ZNF253: variants seen among roughly 807,000 people sequenced by gnomAD.
The protein encoded by ZNF253 is zinc finger protein 253, also known as DNA-binding protein.
Under a neutral mutation model 11.9 loss-of-function variants are expected in ZNF253, and 8 were observed. That is an observed-to-expected ratio of 0.67 (90% CI 0.40 to 1.22). The LOEUF (loss-of-function observed/expected upper bound fraction) is 1.22. Ranked by LOEUF, ZNF253 falls within the 50% of genes most tolerant of loss-of-function variation. ZNF253 has a pLI of 0.01. For synonymous variants in ZNF253, 194 were observed against 194.9 expected (o/e 1.00, Z 0.04); for missense variants, 485 against 586.9 (o/e 0.83, Z 1.79).
chr19:19,887,892 A>G (rs920198294), intron 3 of ZNF253, among the ~76,000 whole-genome samples: 3 of 148,686 alleles, frequency 2.0e-5, no homozygotes, highest in African/African-American at 7.5e-5. Flanking sequence ...ATGCCCCACC[A>G]CGCCTGGCTA....
At chr19:19,890,551 T>G (rs2063224595) in intron 3 of ZNF253, among the ~76,000 whole-genome samples, 1 of 148,460 alleles carries the variant, frequency 6.7e-6, no homozygotes, top group Non-Finnish European at 1.5e-5. Flanking sequence ...TGACAGAGTC[T>G]CACTCTCTTA....
chr19:19,875,327 C>T (rs1298713482), intron 1 of ZNF253, among the ~76,000 whole-genome samples: 2 of 149,908 alleles, frequency 1.3e-5, no homozygotes, highest in African/African-American at 2.5e-5. Context: ...AGTAGTTGCT[C>T]CTCAAGTCAC....
chr19:19,892,907 A>G lies in ZNF253; in HGVS notation c.*160A>G, dbSNP rs1249194021. 1.5e-5 allele frequency: 10 copies of G among 687,854 alleles called. No individual in the cohort carries two copies. Among genetic ancestry groups the G allele is most frequent in the South Asian group, 6.5e-5 (3 of 45,900 alleles). 42.6% of individuals were successfully genotyped at this position (687,854 alleles called of 1,614,324 possible). A position where few individuals can be genotyped will look rare whatever the true frequency, so the allele number is the denominator to read the frequency against. On this transcript the variant is annotated 3_prime_UTR_variant, in exon 4 of 4. Coordinates refer to ENST00000589717, the MANE Select transcript of ZNF253 (RefSeq NM_021047.3). Reference sequence around the variant, plus strand: ...AGGAAGTTCTCAACCCTTATTACACATAATTCATACCAAACAGAAGCCCTA... The same window carrying G: ...AGGAAGTTCTCAACCCTTATTACACGTAATTCATACCAAACAGAAGCCCTA...
chr19:19,881,775 A>T (rs925894021), intron 3 of ZNF253, among the ~76,000 whole-genome samples: 2 of 151,966 alleles, frequency 1.3e-5, no homozygotes, highest in Non-Finnish European at 2.9e-5. Context: ...ATGGTTTTTT[A>T]AATATGTGAT....
intron 3 of ZNF253, among the ~76,000 whole-genome samples, chr19:19,886,293 T>C (rs1035220145): frequency 1.3e-5 from 2 of 152,224 alleles, no homozygotes; most frequent in African/African-American, 4.8e-5. Context: ...GTTCCCAGTA[T>C]TTTAAAATTT....
chr19:19,881,801 C>T (rs1228295502), intron 3 of ZNF253, among the ~76,000 whole-genome samples: 2 of 151,942 alleles, frequency 1.3e-5, no homozygotes, highest in African/African-American at 2.4e-5. Context: ...GATCTACAGA[C>T]AGCAACTTTT....
Position 19,876,467 on chromosome 19 carries a change from C to T in ZNF253, c.4-2014C>T, listed in dbSNP as rs192048425. Reference sequence around the variant, plus strand: ...CTGGTGTCTGTGGCAGGGGAGGGCACCTGAGGACAGGAAAGGAGAAACTTA... The same window carrying T: ...CTGGTGTCTGTGGCAGGGGAGGGCATCTGAGGACAGGAAAGGAGAAACTTA... On this transcript the variant is annotated intron_variant, in intron 1 of 3. Transcript: ENST00000589717. Among the ~76,000 whole-genome samples, 581 of 152,178 alleles carry T rather than the reference C, an allele frequency of 3.8e-3. 1 individual carries two copies. The highest frequency in any genetic ancestry group is 6.8e-3 in the Non-Finnish European group (460 of 68,008).
chr19:19,867,945 T>A (rs917339919), intron 1 of ZNF253, among the ~76,000 whole-genome samples: 2 of 151,710 alleles, frequency 1.3e-5, no homozygotes, highest in African/African-American at 4.9e-5. Context: ...CTCTAATGAT[T>A]AGTGATGAGC....
chr19:19,866,081 C>T (rs2063109738), intron 1 of ZNF253, 82 bp downstream of exon 1: 7 of 1,579,660 alleles, frequency 4.4e-6, no homozygotes, highest in Admixed American at 3.4e-5. Flanking sequence ...ACTCTGCTTC[C>T]TCACAGTCAG....
rs539905474 is a variant in ZNF253 at position 19,873,464 on chromosome 19, T to C, written c.4-5017T>C. ...CACAGTCTCCTAGGTGTATTTGAGG[T>C]ATTTGAGGATGTCCAGAGCAGAATT... On this transcript the variant is annotated intron_variant, in intron 1 of 3. Transcript: ENST00000589717. 2.0e-5 allele frequency among the ~76,000 whole-genome samples: 3 copies of C among 152,230 alleles called. No homozygotes were observed. The East Asian group carries it at 5.8e-4, about 29-fold the overall frequency.
chr19:19,866,114 T>C, intron 1 of ZNF253, 115 bp downstream of exon 1: 1 of 1,416,402 alleles, frequency 7.1e-7, no homozygotes, highest in Non-Finnish European at 9.9e-7. Flanking sequence ...CCGCCGGAGT[T>C]CTCCCTGCCC....
intron 1 of ZNF253, among the ~76,000 whole-genome samples, chr19:19,877,041 A>C (rs1377711962): frequency 6.6e-6 from 1 of 152,208 alleles, no homozygotes; most frequent in Non-Finnish European, 1.5e-5. Context: ...CAAGATTTCT[A>C]TTGGGGAAAA....
Position 19,891,694 on chromosome 19 carries a change from T to C in ZNF253, c.447T>C (p.Tyr149=), listed in dbSNP as rs1568501527. Residue 149 remains tyrosine, a synonymous_variant, in exon 4 of 4, where the codon TAT becomes TAC. Coordinates refer to ENST00000589717, the MANE Select transcript of ZNF253 (RefSeq NM_021047.3). ...TQKEIFQCDK[Y]GKVFHKFSNS... ...AAGAAATATTTCAATGTGATAAATA[T>C]GGAAAAGTCTTTCATAAGTTTTCAA... is the stretch of plus-strand genomic sequence containing the variant. The C allele has an allele frequency of 6.2e-7, 1 of 1,614,114 alleles. No homozygotes were observed. The highest frequency in any genetic ancestry group is 8.5e-7 in the Non-Finnish European group (1 of 1,179,980).
At chr19:19,880,271 CTGT>C in intron 3 of ZNF253, 125 bp downstream of exon 3, 2 of 427,320 alleles carry the variant, frequency 4.7e-6, no homozygotes, top group Non-Finnish European at 3.8e-6. Flanking sequence ...TCCTGGGCAG[CTGT>C]TTTTTTTTTT....
chr19:19,888,590 A>T (rs773286189), intron 3 of ZNF253, among the ~76,000 whole-genome samples: 6 of 152,154 alleles, frequency 3.9e-5, no homozygotes, highest in Non-Finnish European at 8.8e-5. Context: ...CTTCAGTTGC[A>T]TGCAAACATT....
intron 1 of ZNF253, among the ~76,000 whole-genome samples, chr19:19,866,456 C>A (rs141086859): frequency 6.6e-6 from 1 of 151,918 alleles, no homozygotes; most frequent in Non-Finnish European, 1.5e-5. Flanking sequence ...GAGTGCTGCT[C>A]GCGTCCGACC....
intron 3 of ZNF253, among the ~76,000 whole-genome samples, chr19:19,889,107 A>G (rs1193456130): frequency 6.6e-6 from 1 of 151,852 alleles, no homozygotes; most frequent in East Asian, 1.9e-4. Flanking sequence ...AATTTTGCTT[A>G]TAGGTGTGTT....
chr19:19,873,609 T>C (rs1336759587), intron 1 of ZNF253, among the ~76,000 whole-genome samples: 1 of 152,056 alleles, frequency 6.6e-6, no homozygotes, highest in African/African-American at 2.4e-5. Flanking sequence ...AAGATGAGAG[T>C]TTCTCCAGTT....
At chr19:19,870,367 G>C (rs965583531) in intron 1 of ZNF253, among the ~76,000 whole-genome samples, 1 of 150,958 alleles carries the variant, frequency 6.6e-6, no homozygotes. Context: ...ACTCCAGCCT[G>C]GGTGACAGAA....
Sources: allele counts gnomAD v4.1 joint callset (sites outside exome capture counted in the v4.1 genomes callset), GRCh38; gene constraint gnomAD v4.1.1; transcripts MANE v1.5; gene names NCBI Gene and HGNC (gene_info 2026-07-23, HGNC 2026-07-21).